Variants in CNKSR2 observed in about 807,000 individuals in gnomAD.
CNKSR2 encodes the protein connector enhancer of kinase suppressor of Ras 2, also known as CNK homolog protein 2.
Under a neutral mutation model 84.4 loss-of-function variants are expected in CNKSR2, and 14 were observed. The ratio of observed to expected loss-of-function variants is 0.17; its 90% CI spans 0.11 to 0.26. CNKSR2 has a LOEUF of 0.26. Among genes scored for constraint, CNKSR2 ranks in the 10% least tolerant of loss-of-function variants. The probability of loss-of-function intolerance (pLI) is 1.00; values close to 1 mark genes in which losing one functional copy is unlikely to be tolerated. For synonymous variants in CNKSR2, 275 were observed against 277.9 expected (o/e 0.99, Z 0.10); for missense variants, 485 against 771.2 (o/e 0.63, Z 4.40).
intron 21 of CNKSR2, among the ~76,000 whole-genome samples, chrX:21,649,875 A>G (rs187700872): frequency 1.7e-3 from 196 of 112,530 alleles, no homozygotes; most frequent in Middle Eastern, 4.6e-3. Flanking sequence ...CCACAATGAG[A>G]TACCATCTCA....
intron 20 of CNKSR2, chrX:21,645,597 G>A (rs1248593047): frequency 9.0e-6 from 1 of 111,281 alleles, no homozygotes; most frequent in Non-Finnish European, 1.9e-5. Flanking sequence ...AAAAGAGCTG[G>A]TTTTCAGCCA....
chrX:21,542,383 TG>T (rs1463494507), intron 11 of CNKSR2, among the ~76,000 whole-genome samples: 3 of 112,332 alleles, frequency 2.7e-5, no homozygotes, highest in Non-Finnish European at 5.6e-5. Context: ...TGTAGAGTTT[TG>T]TGAGATTTAA....
chrX:21,410,821 A>T (rs2090334391), intron 1 of CNKSR2, among the ~76,000 whole-genome samples: 1 of 103,811 alleles, frequency 9.6e-6, no homozygotes, highest in African/African-American at 3.5e-5. Flanking sequence ...TGTGTGTTTG[A>T]CTCTGTAAAC....
chrX:21,381,649 A>G (rs141789357), intron 1 of CNKSR2, among the ~76,000 whole-genome samples: 2,094 of 112,291 alleles, frequency 0.019, 19 homozygotes, highest in African/African-American at 0.052. Context: ...AACATGGCCT[A>G]TAAGACTCTT....
chrX:21,617,480 A>G (rs887947757), intron 20 of CNKSR2, among the ~76,000 whole-genome samples: 1 of 112,041 alleles, frequency 8.9e-6, no homozygotes, highest in Non-Finnish European at 1.9e-5. Flanking sequence ...AAAAGTAATA[A>G]CTTGCTTATT....
intron 20 of CNKSR2, among the ~76,000 whole-genome samples, chrX:21,631,466 T>C (rs775505229): frequency 6.2e-5 from 7 of 112,302 alleles, no homozygotes; most frequent in Admixed American, 1.9e-4. Context: ...ACAATCCAAA[T>C]ATTTCTGCCT....
chrX:21,568,435 A>G (rs996036761), intron 13 of CNKSR2, among the ~76,000 whole-genome samples: 1 of 111,997 alleles, frequency 8.9e-6, no homozygotes. Context: ...ATGATTAAAA[A>G]CAGACTTTTA....
At chrX:21,414,490 AG>A (rs1321974111) in intron 1 of CNKSR2, among the ~76,000 whole-genome samples, 2 of 109,509 alleles carry the variant, frequency 1.8e-5, no homozygotes, top group African/African-American at 6.7e-5. Flanking sequence ...TCAGGTGGGT[AG>A]CTTGCAAATA....
At chrX:21,489,353 A>G (rs951030636) in intron 5 of CNKSR2, among the ~76,000 whole-genome samples, 1 of 111,784 alleles carries the variant, frequency 8.9e-6, no homozygotes, top group Admixed American at 9.5e-5. Context: ...CTCACAGTAG[A>G]CTAATAACAG....
At chrX:21,585,556 T>TA (rs944984184) in intron 13 of CNKSR2, among the ~76,000 whole-genome samples, 1 of 109,849 alleles carries the variant, frequency 9.1e-6, no homozygotes, top group African/African-American at 3.3e-5. Flanking sequence ...CCTGAGCCAC[T>TA]AGGGAGGAAA....
At chrX:21,392,681 A>G (rs1213918833) in intron 1 of CNKSR2, among the ~76,000 whole-genome samples, 1 of 111,417 alleles carries the variant, frequency 9.0e-6, no homozygotes, top group Non-Finnish European at 1.9e-5. Flanking sequence ...AATCCAAACC[A>G]TACCAAGCAG....
chrX:21,458,278 C>T (rs1388173862), intron 4 of CNKSR2, among the ~76,000 whole-genome samples: 1 of 112,487 alleles, frequency 8.9e-6, no homozygotes, highest in Non-Finnish European at 1.9e-5. Flanking sequence ...TCAATAACCA[C>T]GTGTTTCTAA....
intron 11 of CNKSR2, among the ~76,000 whole-genome samples, chrX:21,535,183 G>A (rs1358073879): frequency 2.7e-5 from 3 of 110,707 alleles, no homozygotes; most frequent in South Asian, 7.6e-4. Flanking sequence ...AAAATCACCC[G>A]GCTGTAAATA....
chrX:21,454,884 G>A (rs138776424), intron 4 of CNKSR2, among the ~76,000 whole-genome samples: 2,063 of 111,882 alleles, frequency 0.018, 115 homozygotes, highest in Admixed American at 0.16. Flanking sequence ...AAGGTAGCAG[G>A]CTGGGACAGG....
At chrX:21,626,516 C>G (rs774702117) in intron 20 of CNKSR2, among the ~76,000 whole-genome samples, 1 of 111,538 alleles carries the variant, frequency 9.0e-6, no homozygotes, top group East Asian at 2.8e-4. Context: ...AATTAGAAAA[C>G]TAATTCAACA....
chrX:21,425,687 A>G (rs752343811), intron 1 of CNKSR2: 2 of 111,630 alleles, frequency 1.8e-5, no homozygotes, highest in Non-Finnish European at 3.8e-5. Flanking sequence ...TTAAATTTCT[A>G]GAGCGTTAGT....
intron 1 of CNKSR2, chrX:21,422,013 A>G (rs1316723750): frequency 3.6e-5 from 4 of 111,572 alleles, no homozygotes; most frequent in African/African-American, 1.3e-4. Flanking sequence ...TAGGCCAGGC[A>G]TTTCTGCTTC....
chrX:21,652,572 A>G lies in CNKSR2; in HGVS notation c.*51A>G. 1 of 961,668 alleles carries G rather than the reference A, an allele frequency of 1.0e-6. No homozygotes were observed. The highest frequency in any genetic ancestry group is 1.5e-6 in the Non-Finnish European group (1 of 678,530). The allele number at this position is 961,668 out of a possible 1,213,427, so 79.3% of individuals were successfully genotyped here. On this transcript the variant is annotated 3_prime_UTR_variant, in exon 22 of 22. Coordinates refer to ENST00000379510, the MANE Select transcript of CNKSR2 (RefSeq NM_014927.5). ...GTACCTGCTGGTACTCTGAACAAGT[A>G]TATAAGGTAGTTTTTATATCAATGT...
At chrX:21,515,870 C>T (rs930562745) in intron 8 of CNKSR2, among the ~76,000 whole-genome samples, 1 of 111,870 alleles carries the variant, frequency 8.9e-6, no homozygotes, top group Non-Finnish European at 1.9e-5. Flanking sequence ...GGAACACATT[C>T]CAATAGCTGC....
Sources: allele counts gnomAD v4.1 joint callset (sites outside exome capture counted in the v4.1 genomes callset), GRCh38; gene constraint gnomAD v4.1.1; transcripts MANE v1.5; gene names NCBI Gene and HGNC (gene_info 2026-07-23, HGNC 2026-07-21).